TDRP: variants seen among roughly 807,000 people sequenced by gnomAD.
The protein encoded by TDRP is testis development related protein, also known as testis development-related protein.
A neutral mutation model predicts 10.5 loss-of-function variants in TDRP; 12 were observed. That is an observed-to-expected ratio of 1.15 (90% CI 0.73 to 1.86). The LOEUF (loss-of-function observed/expected upper bound fraction) is 1.86, where lower values mean the gene tolerates loss of function less well. TDRP is among the 40% of genes most tolerant of loss of function. TDRP has a pLI of 0.00. For synonymous variants in TDRP, 139 were observed against 95.4 expected (o/e 1.46, Z -2.67); for missense variants, 353 against 229.2 (o/e 1.54, Z -3.49).
chr8:492,165 A>G lies in TDRP; in HGVS notation c.*234T>C. 8.0e-7 allele frequency: 1 copy of G among 1,256,790 alleles called. No individual in the cohort carries two copies. Among genetic ancestry groups the G allele is most frequent in the Non-Finnish European group, 1.0e-6 (1 of 1,003,496 alleles). The allele number at this position is 1,256,790 out of a possible 1,614,324, so 77.9% of individuals were successfully genotyped here. ...CATCTCCAGTTTCTGCAAAACATGG[A>G]CTGATAGGTGAATATTTCTGCAATA... On this transcript the variant is annotated 3_prime_UTR_variant, in exon 3 of 3. Coordinates refer to ENST00000324079, the MANE Select transcript of TDRP (RefSeq NM_001384899.1).
In TDRP at chr8:492,538, G is replaced by A. The variant is rs1266465915; in HGVS notation, c.419C>T (p.Ala140Val). ...GCTGGTGTACTTGGTCGAGCCCTTG[G>A]CGTCATCCTCCCAGCCTGACCAGGA... is the stretch of plus-strand genomic sequence containing the variant. Reference protein sequence around the residue: ...HPSWSGWEDDAKGSTKYTSLA... With the variant: ...HPSWSGWEDDVKGSTKYTSLA... The change falls in exon 3 of 3, where the codon GCC (alanine) becomes GTC (valine). Residue 140 changes from alanine to valine, a missense_variant. Transcript: ENST00000324079. 6.8e-6 allele frequency: 11 copies of A among 1,611,620 alleles called. No individual in the cohort carries two copies. Among genetic ancestry groups the A allele is most frequent in the Admixed American group, 5.0e-5 (3 of 59,614 alleles).
intron 1 of TDRP, among the ~76,000 whole-genome samples, chr8:511,480 G>C (rs1193885731): frequency 1.3e-5 from 2 of 152,082 alleles, no homozygotes; most frequent in Admixed American, 1.3e-4. Context: ...AACAAAAATG[G>C]ACAGACATAA....
intron 1 of TDRP, among the ~76,000 whole-genome samples, chr8:508,592 G>A (rs1209508625): frequency 2.0e-5 from 3 of 152,126 alleles, no homozygotes; most frequent in African/African-American, 7.2e-5. Context: ...ACCACCCCCA[G>A]GATCCAATCA....
chr8:513,018 G>A (rs940818888), intron 1 of TDRP, among the ~76,000 whole-genome samples: 2 of 150,660 alleles, frequency 1.3e-5, no homozygotes, highest in Non-Finnish European at 3.0e-5. Context: ...TAATCAAAAG[G>A]CTACCCAAAA....
intron 2 of TDRP, among the ~76,000 whole-genome samples, chr8:493,218 C>T (rs890482379): frequency 6.6e-6 from 1 of 152,208 alleles, no homozygotes; most frequent in Non-Finnish European, 1.5e-5. Flanking sequence ...ACACCATCTA[C>T]TATAAAAAGG....
chr8:504,078 C>G (rs1236546249), intron 1 of TDRP, among the ~76,000 whole-genome samples: 2 of 152,098 alleles, frequency 1.3e-5, no homozygotes, highest in Admixed American at 1.3e-4. Flanking sequence ...TCAGCAAGCA[C>G]CAACACGGAA....
intron 1 of TDRP, among the ~76,000 whole-genome samples, chr8:503,324 C>A (rs572161531): frequency 6.7e-5 from 10 of 148,548 alleles, no homozygotes; most frequent in Admixed American, 2.0e-4. Flanking sequence ...GAGTCACACA[C>A]TGGAACCAAT....
intron 1 of TDRP, among the ~76,000 whole-genome samples, chr8:528,830 T>C (rs1393168674): frequency 2.0e-5 from 3 of 150,454 alleles, no homozygotes; most frequent in Admixed American, 2.0e-4. Flanking sequence ...TATGTGTGTA[T>C]ATATGTGTGT....
At chr8:509,995 G>C (rs1337890611) in intron 1 of TDRP, among the ~76,000 whole-genome samples, 1 of 152,176 alleles carries the variant, frequency 6.6e-6, no homozygotes, top group Non-Finnish European at 1.5e-5. Context: ...ACTCCAGCCT[G>C]GGTGACAGAG....
In TDRP at chr8:505,778, C is replaced by T. The variant is rs115604444; in HGVS notation, c.109-11181G>A. Among the ~76,000 whole-genome samples, 257 of 152,302 alleles carry T rather than the reference C, an allele frequency of 1.7e-3. 1 individual carries two copies. The highest frequency in any genetic ancestry group is 5.9e-3 in the African/African-American group (244 of 41,562). On this transcript the variant is annotated intron_variant, in intron 1 of 2. Transcript: ENST00000324079. ...AATCGTGAGCTGCTGTGTAAACACC[C>T]TCCGATGAACATGAAAAACTCTCAA...
rs1001842563 is a variant in TDRP, at chr8:490,143, G to C, written c.*2256C>G. The C allele has an allele frequency of 2.6e-5, 4 of 152,156 alleles. No individual in the cohort carries two copies. Among genetic ancestry groups the C allele is most frequent in the African/African-American group, 9.7e-5 (4 of 41,430 alleles). The allele number at this position is 152,156 out of a possible 1,614,324, so 9.4% of individuals were successfully genotyped here. ...CAAAACCACATTCTCCCATTAACTTGTGAAGATAATAAATTTGCTTTGATA... is the reference window on the plus strand; with the variant it reads ...CAAAACCACATTCTCCCATTAACTTCTGAAGATAATAAATTTGCTTTGATA... On this transcript the variant is annotated 3_prime_UTR_variant, in exon 3 of 3. Transcript: ENST00000324079.
rs144535152 is a variant in TDRP, at chr8:520,147, C to A, written c.108+24503G>T. On this transcript the variant is annotated intron_variant, in intron 1 of 2. Coordinates refer to ENST00000324079, the MANE Select transcript of TDRP (RefSeq NM_001384899.1). ...AAACATTTTAAAACACGGTTTGAAG[C>A]CAAGCTGCTCAGTTACATGACTACT... 4.1e-4 allele frequency among the ~76,000 whole-genome samples: 63 copies of A among 152,278 alleles called. 1 individual carries two copies. The highest frequency in any genetic ancestry group is 6.8e-3 in the Middle Eastern group (2 of 294).
chr8:509,410 C>G (rs541335990), intron 1 of TDRP, among the ~76,000 whole-genome samples: 1 of 152,294 alleles, frequency 6.6e-6, no homozygotes, highest in African/African-American at 2.4e-5. Flanking sequence ...TGAAATCTAG[C>G]CAGAGGTTCT....
At chr8:523,326 G>A (rs977663502) in intron 1 of TDRP, among the ~76,000 whole-genome samples, 29 of 151,770 alleles carry the variant, frequency 1.9e-4, no homozygotes, top group Non-Finnish European at 3.2e-4. Context: ...TAATTTTTTC[G>A]GGGGGAATGG....
Position 544,681 on chromosome 8 carries a change from G to A in TDRP, c.77C>T (p.Pro26Leu), listed in dbSNP as rs1802588938. 1.6e-6 allele frequency: 2 copies of A among 1,244,762 alleles called. No homozygotes were observed. Among genetic ancestry groups the A allele is most frequent in the South Asian group, 7.3e-5 (2 of 27,218 alleles). 77.1% of individuals were successfully genotyped at this position (1,244,762 alleles called of 1,614,324 possible). ...CTGGGCGGCGGCGGCGGCGGCCGGT[G>A]GCGGCCCCCCACGCAGGCCGTCCTC... ...EEEDGLRGGP[P>L]PAAAAAAQAQ... The change falls in exon 1 of 3, where the codon CCA becomes CTA. Residue 26 changes from proline to leucine, a missense_variant. Physicochemically the swap from Pro to Leu is moderately conservative, Grantham distance 98. Coordinates refer to ENST00000324079, the MANE Select transcript of TDRP (RefSeq NM_001384899.1).
At chr8:515,003 T>G (rs552842817) in intron 1 of TDRP, among the ~76,000 whole-genome samples, 1 of 152,324 alleles carries the variant, frequency 6.6e-6, no homozygotes, top group South Asian at 2.1e-4. Context: ...TTTATTCCAA[T>G]TCAGCTAATA....
At chr8:514,802 G>C (rs962762106) in intron 1 of TDRP, among the ~76,000 whole-genome samples, 1 of 152,026 alleles carries the variant, frequency 6.6e-6, no homozygotes, top group Non-Finnish European at 1.5e-5. Context: ...TGTGTTGAGT[G>C]TGCCAGTTTA....
At chr8:511,366 T>G (rs903213955) in intron 1 of TDRP, among the ~76,000 whole-genome samples, 1 of 152,158 alleles carries the variant, frequency 6.6e-6, no homozygotes, top group Admixed American at 6.5e-5. Context: ...TTTTTTTTAA[T>G]GTTGCTAAAG....
intron 1 of TDRP, among the ~76,000 whole-genome samples, chr8:496,057 G>C (rs900086895): frequency 7.2e-5 from 11 of 152,214 alleles, no homozygotes; most frequent in African/African-American, 2.4e-4. Flanking sequence ...CCACGCCAAA[G>C]AAACCATCAC....
Sources: gnomAD v4.1 joint callset for allele counts (sites outside exome capture counted in the v4.1 genomes callset) on GRCh38, gnomAD v4.1.1 for gene constraint, MANE v1.5 for transcripts, NCBI Gene and HGNC (gene_info 2026-07-23, HGNC 2026-07-21) for gene names.